The following ZSCAN25 variants were observed in gnomAD, a reference collection of about 807,000 sequenced individuals.
The protein encoded by ZSCAN25 is zinc finger and SCAN domain containing 25, also known as zinc finger and SCAN domain-containing protein 25.
In ZSCAN25, 27 loss-of-function variants were observed where a neutral mutation model predicts 38.7. The observed-to-expected ratio is 0.70, with a 90% CI of 0.51 to 0.96. ZSCAN25 has a LOEUF of 0.96. ZSCAN25 is among the 40% of genes least tolerant of loss of function. The pLI is 0.00. For synonymous variants in ZSCAN25, 273 were observed against 277.7 expected, an observed-to-expected ratio of 0.98 and a Z score of 0.17; for missense variants, 637 against 705.9, an observed-to-expected ratio of 0.90 and a Z score of 1.11.
chr7:99,676,614 C>T, the ZSCAN25 span: 20 of 1,257,982 alleles, frequency 1.6e-5, no homozygotes, highest in African/African-American at 2.9e-4. Context: ...GTCTTTTGCA[C>T]TGATGATGAG....
the ZSCAN25 span, among the ~76,000 whole-genome samples, chr7:99,649,674 A>G: frequency 2.0e-5 from 3 of 152,186 alleles, no homozygotes; most frequent in Non-Finnish European, 2.9e-5. Context: ...GGTGATTCCA[A>G]TATACAGCTA....
rs748828290 is a variant in ZSCAN25 at position 99,629,886 on chromosome 7, C to T, written c.1501C>T (p.Leu501=). The change falls in exon 8 of 8, where the codon CTG becomes TTG. Residue 501 remains leucine (L), a synonymous_variant. Coordinates refer to ENST00000394152, the MANE Select transcript of ZSCAN25 (RefSeq NM_145115.3). The surrounding 1 kb of genome is among the most constrained non-coding windows in gnomAD (Gnocchi z 5.6). ...CGKRFSKGER[L]VRHQRIHTGE... is the part of the protein sequence containing the mutation. ...GAAGCGGTTCAGCAAAGGGGAGCGG[C>T]TGGTCCGACACCAGAGAATCCATAC... The T allele has an allele frequency of 6.2e-7, 1 of 1,614,252 alleles. No individual in the cohort carries two copies. Among genetic ancestry groups the T allele is most frequent in the Admixed American group, 1.7e-5 (1 of 60,032 alleles).
chr7:99,673,400 C>T, the ZSCAN25 span, among the ~76,000 whole-genome samples: 1 of 152,212 alleles, frequency 6.6e-6, no homozygotes, highest in East Asian at 1.9e-4. Context: ...GCTGAGACCA[C>T]CTTATAAAAT....
At chr7:99,627,110 TG>T (rs1019306193) in intron 7 of ZSCAN25, among the ~76,000 whole-genome samples, 3 of 152,378 alleles carry the variant, frequency 2.0e-5, no homozygotes, top group Admixed American at 1.3e-4. Flanking sequence ...TGTTAACATT[TG>T]CCATATTTAG....
Position 99,617,393 on chromosome 7 carries a change from G to A in ZSCAN25, c.-259+377G>A, listed in dbSNP as rs114335579. ...TAAAGAATAGTGATGAGCCAGCCTG[G>A]TCAACATAGCGAGACCCTGTCTCTA... On this transcript the variant is annotated intron_variant, in intron 1 of 7. Coordinates refer to ENST00000394152, the MANE Select transcript of ZSCAN25 (RefSeq NM_145115.3). Among the ~76,000 whole-genome samples, 948 of 152,324 alleles carry A rather than the reference G, an allele frequency of 6.2e-3. 6 individuals are homozygous for A. The highest frequency in any genetic ancestry group is 0.022 in the African/African-American group (897 of 41,564).
chr7:99,628,233 A>G (rs1807665841), intron 7 of ZSCAN25, among the ~76,000 whole-genome samples: 1 of 152,234 alleles, frequency 6.6e-6, no homozygotes, highest in Non-Finnish European at 1.5e-5. Flanking sequence ...ATCCAAGCTG[A>G]TAAGTATGTA....
chr7:99,694,904 T>C, the ZSCAN25 span, among the ~76,000 whole-genome samples: 2 of 152,326 alleles, frequency 1.3e-5, no homozygotes, highest in East Asian at 3.9e-4. Flanking sequence ...TATGACATTT[T>C]ATTCAGCAAA....
the ZSCAN25 span, among the ~76,000 whole-genome samples, chr7:99,675,000 C>G: frequency 6.6e-6 from 1 of 152,220 alleles, no homozygotes; most frequent in Non-Finnish European, 1.5e-5. Context: ...CCATCAGTAT[C>G]CTTTTCATTT....
chr7:99,723,906 C>T, the ZSCAN25 span, among the ~76,000 whole-genome samples: 1 of 152,304 alleles, frequency 6.6e-6, no homozygotes, highest in African/African-American at 2.4e-5. Context: ...AAATCACTGC[C>T]AGGACACCTG....
chr7:99,656,115 T>C, the ZSCAN25 span, among the ~76,000 whole-genome samples: 1 of 152,210 alleles, frequency 6.6e-6, no homozygotes, highest in Non-Finnish European at 1.5e-5. Context: ...TCCAACACTA[T>C]GTTGAATAGG....
downstream of ZSCAN25, among the ~76,000 whole-genome samples, chr7:99,634,305 C>A (rs937125577): frequency 1.3e-5 from 2 of 152,234 alleles, no homozygotes; most frequent in African/African-American, 4.8e-5. Flanking sequence ...AAAATACTTT[C>A]AGTACCTGTT....
At chr7:99,705,628 T>G in the ZSCAN25 span, 1 of 1,609,882 alleles carries the variant, frequency 6.2e-7, no homozygotes, top group Non-Finnish European at 8.5e-7. Flanking sequence ...TTGAGAAGCA[T>G]TAAATAAAGC....
At chr7:99,709,012 C>T in the ZSCAN25 span, 1 of 1,613,684 alleles carries the variant, frequency 6.2e-7, no homozygotes, top group East Asian at 2.2e-5. Flanking sequence ...TCAGGGAGGG[C>T]TCCCTTCCCA....
At chr7:99,735,830 G>C in the ZSCAN25 span, among the ~76,000 whole-genome samples, 1 of 152,206 alleles carries the variant, frequency 6.6e-6, no homozygotes, top group Non-Finnish European at 1.5e-5. Context: ...GTCCCTATCA[G>C]GGTGCTGTAC....
the ZSCAN25 span, chr7:99,638,242 A>G: frequency 6.4e-6 from 10 of 1,557,380 alleles, no homozygotes; most frequent in Non-Finnish European, 7.8e-6. Context: ...AATGCTCATT[A>G]AGATTTGTAG....
chr7:99,676,239 G>A, the ZSCAN25 span: 4 of 1,612,156 alleles, frequency 2.5e-6, no homozygotes, highest in Admixed American at 1.7e-5. Flanking sequence ...CAGGTCACAG[G>A]GATTGTGACT....
chr7:99,662,008 T>A, the ZSCAN25 span, among the ~76,000 whole-genome samples: 1 of 152,266 alleles, frequency 6.6e-6, no homozygotes, highest in Non-Finnish European at 1.5e-5. The surrounding 1 kb of genome is among the most constrained non-coding windows in gnomAD (Gnocchi z 4.3). Context: ...GATAGACTAT[T>A]TTCTTTATCA....
At chr7:99,697,175 T>C in the ZSCAN25 span, among the ~76,000 whole-genome samples, 28 of 152,330 alleles carry the variant, frequency 1.8e-4, no homozygotes, top group African/African-American at 6.7e-4. Context: ...AAGCAGTCAG[T>C]TTATTGCCTC....
chr7:99,686,760 C>CCG, the ZSCAN25 span, among the ~76,000 whole-genome samples: 43 of 152,060 alleles, frequency 2.8e-4, no homozygotes, highest in African/African-American at 9.7e-4. Flanking sequence ...ACCCCCCCCC[C>CCG]AGTAGGGGCA....
Sources: allele counts gnomAD v4.1 joint callset (sites outside exome capture counted in the v4.1 genomes callset), GRCh38; gene constraint gnomAD v4.1.1; non-coding constraint Gnocchi (gnomAD v3.1); transcripts MANE v1.5; gene names NCBI Gene and HGNC (gene_info 2026-07-23, HGNC 2026-07-21).